The following ADAMTS18 variants were observed in gnomAD, a reference collection of about 807,000 sequenced individuals.
ADAMTS18 encodes the protein A disintegrin and metalloproteinase with thrombospondin motifs 18.
ADAMTS18 carries 157 observed loss-of-function variants against 165.9 expected under a neutral mutation model. That is an observed-to-expected ratio of 0.95 (90% CI 0.83 to 1.08). ADAMTS18 has a LOEUF of 1.08. Among genes scored for constraint, ADAMTS18 ranks in the 50% least tolerant of loss-of-function variants. ADAMTS18 has a pLI of 0.00. For synonymous variants in ADAMTS18, 782 were observed against 578.2 expected (o/e 1.35, Z -5.06); for missense variants, 2,040 against 1,534.0 (o/e 1.33, Z -5.51).
intron 12 of ADAMTS18, among the ~76,000 whole-genome samples, chr16:77,332,428 A>G (rs1177327454): frequency 6.6e-6 from 1 of 152,152 alleles, no homozygotes; most frequent in African/African-American, 2.4e-5. Flanking sequence ...CCTTTTGGTG[A>G]ATGCCCACTG....
chr16:77,312,403 A>G (rs1239521316), intron 16 of ADAMTS18, among the ~76,000 whole-genome samples: 2 of 151,952 alleles, frequency 1.3e-5, no homozygotes, highest in South Asian at 4.2e-4. Context: ...ATGCCCAGCT[A>G]ATTTTTGTAT....
In ADAMTS18 at chr16:77,314,753, C is replaced by CTTATATAT. The variant is rs1555511655; in HGVS notation, c.2532+5095_2532+5096insATATATAA. Among the ~76,000 whole-genome samples, 355 of 36,888 alleles carry CTTATATAT rather than the reference C, an allele frequency of 9.6e-3. 63 individuals carry two copies. Among genetic ancestry groups the CTTATATAT allele is most frequent in the South Asian group, 0.035 (41 of 1,170 alleles). 24.2% of individuals were successfully genotyped at this position (36,888 alleles called of 152,430 possible). Reference sequence around the variant, plus strand: ...GTTTGCTAAATATGGTCTCAGGTTTCATATATATATATATATATATATATA... The same window carrying CTTATATAT: ...GTTTGCTAAATATGGTCTCAGGTTTCTTATATATATATATATATATATATATATATATA... On this transcript the variant is annotated intron_variant, in intron 16 of 22. Coordinates refer to ENST00000282849, the MANE Select transcript of ADAMTS18 (RefSeq NM_199355.4).
At chr16:77,392,311 G>C (rs1327392978) in intron 3 of ADAMTS18, among the ~76,000 whole-genome samples, 1 of 152,082 alleles carries the variant, frequency 6.6e-6, no homozygotes, top group Admixed American at 6.6e-5. Context: ...TCATTTCCTA[G>C]TGCCCATCCC....
At position 77,367,652 on chromosome 16, in the gene ADAMTS18, G is replaced by C. The variant is rs759363189; in HGVS notation, c.567C>G (p.His189Gln). ...SPLPQLLAQE[H>Q]NYSSPAGHHP... ...GGTGACCCGCAGGGGAGCTGTAGTT[G>C]TGTTCCTGGGCCAGAAGCTGAGGTA... The change falls in exon 4 of 23, where the codon CAC becomes CAG. Residue 189 changes from histidine (H) to glutamine (Q), a missense_variant. By Grantham distance (24) the His-to-Gln change is conservative (BLOSUM62 0). Coordinates refer to ENST00000282849, the MANE Select transcript of ADAMTS18 (RefSeq NM_199355.4). 4 of 1,614,038 alleles carry C rather than the reference G, an allele frequency of 2.5e-6. No individual in the cohort carries two copies. In the African/African-American group the frequency reaches 5.3e-5, roughly 22 times the overall value.
intron 3 of ADAMTS18, among the ~76,000 whole-genome samples, chr16:77,369,685 A>G (rs1339424742): frequency 6.6e-6 from 1 of 152,192 alleles, no homozygotes; most frequent in Non-Finnish European, 1.5e-5. Context: ...ACTAATACCA[A>G]TCCTTTGCAA....
At chr16:77,357,545 G>T (rs565441919) in intron 8 of ADAMTS18, among the ~76,000 whole-genome samples, 1 of 152,222 alleles carries the variant, frequency 6.6e-6, no homozygotes, top group Admixed American at 6.5e-5. Context: ...AATAAAGCAC[G>T]AGAAGAAACA....
chr16:77,431,991 TAA>T (rs2057746143), intron 2 of ADAMTS18, among the ~76,000 whole-genome samples: 1 of 152,172 alleles, frequency 6.6e-6, no homozygotes, highest in East Asian at 1.9e-4. Flanking sequence ...TTTTTGAAGA[TAA>T]AGTTAATAAA....
intron 3 of ADAMTS18, among the ~76,000 whole-genome samples, chr16:77,370,084 C>T (rs948202265): frequency 6.6e-6 from 1 of 152,070 alleles, no homozygotes; most frequent in Non-Finnish European, 1.5e-5. Context: ...TGCATCTCAA[C>T]ACAATAAAGG....
At chr16:77,394,093 G>A (rs1567537426) in intron 3 of ADAMTS18, among the ~76,000 whole-genome samples, 2 of 152,184 alleles carry the variant, frequency 1.3e-5, no homozygotes, top group South Asian at 4.1e-4. Flanking sequence ...TATAAAGATT[G>A]ATCCCCTGGA....
At chr16:77,367,314 T>G in intron 4 of ADAMTS18, 127 bp downstream of exon 4, 1 of 986,020 alleles carries the variant, frequency 1.0e-6, no homozygotes, top group Non-Finnish European at 1.6e-6. Context: ...TAATTACTGG[T>G]CCTACACCAA....
In ADAMTS18 at chr16:77,343,291, C is replaced by T. The variant is rs1479990371; in HGVS notation, c.1615-1492G>A. Among the ~76,000 whole-genome samples, 3 of 152,176 alleles carry T rather than the reference C, an allele frequency of 2.0e-5. No individual in the cohort carries two copies. In the East Asian group the frequency reaches 5.8e-4, roughly 29 times the overall value. On this transcript the variant is annotated intron_variant, in intron 10 of 22. Transcript: ENST00000282849. ...GTTTCACCACGTTGGCCAGGCTGGT[C>T]TCGAACTCCCAACCTCAGGTGATCT...
chr16:77,400,121 AC>A (rs939590717), intron 3 of ADAMTS18, among the ~76,000 whole-genome samples: 3 of 151,982 alleles, frequency 2.0e-5, no homozygotes, highest in African/African-American at 7.3e-5. Context: ...TTGAAAATCT[AC>A]CCCCCAATTT....
chr16:77,314,727 A>T (rs2055850842), intron 16 of ADAMTS18, among the ~76,000 whole-genome samples: 1 of 92,564 alleles, frequency 1.1e-5, no homozygotes, highest in Non-Finnish European at 2.2e-5. Flanking sequence ...TGTGATCACC[A>T]GTTTGCTAAA....
At chr16:77,357,397 C>G (rs1349207566) in intron 8 of ADAMTS18, among the ~76,000 whole-genome samples, 1 of 152,182 alleles carries the variant, frequency 6.6e-6, no homozygotes, top group Non-Finnish European at 1.5e-5. Flanking sequence ...AATGTATACT[C>G]AGTGAAAGCA....
At chr16:77,396,592 G>A (rs1262327444) in intron 3 of ADAMTS18, among the ~76,000 whole-genome samples, 2 of 152,190 alleles carry the variant, frequency 1.3e-5, no homozygotes, top group Non-Finnish European at 2.9e-5. Context: ...AACAAATGTT[G>A]AAGCTGGTCA....
chr16:77,333,416 A>G (rs1410306088), intron 12 of ADAMTS18, among the ~76,000 whole-genome samples: 1 of 151,682 alleles, frequency 6.6e-6, no homozygotes, highest in Non-Finnish European at 1.5e-5. Flanking sequence ...GGCGCTATAT[A>G]CCTATATAAC....
At chr16:77,339,516 T>C (rs1310119083) in intron 11 of ADAMTS18, among the ~76,000 whole-genome samples, 1 of 152,004 alleles carries the variant, frequency 6.6e-6, no homozygotes, top group Non-Finnish European at 1.5e-5. Context: ...TAGACCTAGG[T>C]GATGTATCAC....
intron 7 of ADAMTS18, 116 bp downstream of exon 7, chr16:77,361,989 A>C (rs1482875624): frequency 1.6e-6 from 2 of 1,220,396 alleles, no homozygotes; most frequent in Non-Finnish European, 2.4e-6. Context: ...TTACTCCATA[A>C]TTTAAATATT....
chr16:77,423,348 A>G (rs1213085736), intron 3 of ADAMTS18, among the ~76,000 whole-genome samples: 4 of 152,182 alleles, frequency 2.6e-5, no homozygotes, highest in African/African-American at 7.2e-5. Flanking sequence ...TCAATTTTGA[A>G]AAGTCCTCTG....
Sources: allele counts gnomAD v4.1 joint callset (sites outside exome capture counted in the v4.1 genomes callset), GRCh38; gene constraint gnomAD v4.1.1; transcripts MANE v1.5; gene names NCBI Gene and HGNC (gene_info 2026-07-23, HGNC 2026-07-21).